SORCS1: variants seen among roughly 807,000 people sequenced by gnomAD.
SORCS1 encodes the protein VPS10 domain-containing receptor SorCS1.
In SORCS1, 60 loss-of-function variants were observed where a neutral mutation model predicts 146.1. That is an observed-to-expected ratio of 0.41 (90% CI 0.33 to 0.51). The LOEUF (loss-of-function observed/expected upper bound fraction) is 0.51. Among genes scored for constraint, SORCS1 ranks in the 20% least tolerant of loss-of-function variants. SORCS1 has a pLI of 0.21. For missense variants in SORCS1, 1,352 were observed against 1,487.6 expected (o/e 0.91, Z 1.50); for synonymous variants, 637 against 584.0 (o/e 1.09, Z -1.31).
chr10:106,938,800 C>T (rs1953882693), intron 2 of SORCS1, among the ~76,000 whole-genome samples: 1 of 152,166 alleles, frequency 6.6e-6, no homozygotes, highest in Admixed American at 6.5e-5. Flanking sequence ...TGGGGAGCTG[C>T]CAAAATGGGA....
intron 1 of SORCS1, 72 bp from the exon 2 acceptor site, chr10:106,956,652 G>T: frequency 7.8e-7 from 1 of 1,285,010 alleles, no homozygotes; most frequent in East Asian, 2.3e-5. Context: ...TGGCCCAAGG[G>T]AGGGCTTAGG....
rs922825517 is a variant in SORCS1, at chr10:106,937,206, G to C, written c.626+19307C>G. ...TTTTTTTGAGATAGAGTCTTGCTCT[G>C]TTGCCCAGGCTGGAATTCAGTGACA... is the stretch of plus-strand genomic sequence containing the variant. On this transcript the variant is annotated intron_variant, in intron 2 of 25. Coordinates refer to ENST00000263054, the MANE Select transcript of SORCS1 (RefSeq NM_052918.5). Among the ~76,000 whole-genome samples the C allele has an allele frequency of 2.1e-5, 3 of 145,620 alleles. No individual in the cohort carries two copies. In the Admixed American group the frequency reaches 2.1e-4, roughly 10 times the overall value.
intron 3 of SORCS1, among the ~76,000 whole-genome samples, chr10:106,817,870 T>C (rs780838099): frequency 5.9e-5 from 9 of 152,244 alleles, no homozygotes; most frequent in Non-Finnish European, 1.3e-4. Context: ...GACTTTGTGT[T>C]ATGCTGATCT....
chr10:106,889,119 A>G lies in SORCS1; in HGVS notation c.627-59446T>C, dbSNP rs117563654. ...CAATTTTCTACAGGTTCACAGAAAT[A>G]CGGGGAAAGGCAAGTTGTTACTTTT... On this transcript the variant is annotated intron_variant, in intron 2 of 25. Transcript: ENST00000263054. 1.5e-4 allele frequency among the ~76,000 whole-genome samples: 23 copies of G among 152,304 alleles called. No individual in the cohort carries two copies. In the East Asian group the frequency reaches 3.5e-3, roughly 23 times the overall value.
chr10:106,810,990 G>C (rs1167341733), intron 3 of SORCS1, among the ~76,000 whole-genome samples: 1 of 151,482 alleles, frequency 6.6e-6, no homozygotes, highest in Non-Finnish European at 1.5e-5. Context: ...GCCCAGGCTG[G>C]AGTGCAGCGG....
At chr10:106,844,213 G>C (rs189479781) in intron 2 of SORCS1, among the ~76,000 whole-genome samples, 1 of 152,000 alleles carries the variant, frequency 6.6e-6, no homozygotes, top group East Asian at 1.9e-4. Context: ...CGTGTTCTTT[G>C]CCCATTTTTA....
chr10:106,971,242 T>C (rs1275230997), intron 1 of SORCS1, among the ~76,000 whole-genome samples: 1 of 152,224 alleles, frequency 6.6e-6, no homozygotes, highest in African/African-American at 2.4e-5. Flanking sequence ...GCCTGGCTCC[T>C]GTGCTCATGT....
At chr10:106,964,847 G>A (rs1201908089) in intron 1 of SORCS1, among the ~76,000 whole-genome samples, 1 of 151,244 alleles carries the variant, frequency 6.6e-6, no homozygotes, top group East Asian at 1.9e-4. Context: ...CTCCTGGCCT[G>A]AAATGATCCT....
chr10:106,796,400 T>C (rs1946554206), intron 3 of SORCS1, among the ~76,000 whole-genome samples: 1 of 152,204 alleles, frequency 6.6e-6, no homozygotes, highest in East Asian at 1.9e-4. Context: ...CTTCTTGACA[T>C]ACAATGTTTC....
At chr10:106,610,237 G>A (rs998854306) in intron 22 of SORCS1, among the ~76,000 whole-genome samples, 1 of 151,936 alleles carries the variant, frequency 6.6e-6, no homozygotes, top group Non-Finnish European at 1.5e-5. Context: ...TAAGGAAGAG[G>A]ATGGCCCTAG....
chr10:106,629,942 G>C (rs539293153), intron 18 of SORCS1, among the ~76,000 whole-genome samples: 1 of 152,198 alleles, frequency 6.6e-6, no homozygotes, highest in East Asian at 1.9e-4. Context: ...TACTCGGGGG[G>C]GCTGAGGCGG....
At chr10:106,648,015 A>G (rs771682882) in intron 18 of SORCS1, among the ~76,000 whole-genome samples, 3 of 151,346 alleles carry the variant, frequency 2.0e-5, no homozygotes, top group Non-Finnish European at 2.9e-5. Flanking sequence ...CCACAGACAC[A>G]CGACACCACG....
chr10:106,705,414 G>A (rs1854446605), intron 8 of SORCS1, among the ~76,000 whole-genome samples: 1 of 152,134 alleles, frequency 6.6e-6, no homozygotes, highest in Non-Finnish European at 1.5e-5. Flanking sequence ...CGGGAGAGGA[G>A]GCGTGCTGTG....
At chr10:106,619,459 G>A (rs895562607) in intron 20 of SORCS1, among the ~76,000 whole-genome samples, 27 of 152,304 alleles carry the variant, frequency 1.8e-4, no homozygotes, top group African/African-American at 5.5e-4. Context: ...AAGAGACATC[G>A]TATTTGAAGA....
chr10:107,120,875 T>C (rs937666332), intron 1 of SORCS1, among the ~76,000 whole-genome samples: 1 of 152,132 alleles, frequency 6.6e-6, no homozygotes, highest in African/African-American at 2.4e-5. Flanking sequence ...CTAGGTTCTA[T>C]GTTTCAGGTC....
At chr10:106,589,537 A>C (rs1384271266) in intron 24 of SORCS1, among the ~76,000 whole-genome samples, 1 of 152,156 alleles carries the variant, frequency 6.6e-6, no homozygotes, top group Non-Finnish European at 1.5e-5. Context: ...ATCTGCTATG[A>C]GATGGTAAAT....
chr10:106,964,729 G>T (rs1955420076), intron 1 of SORCS1, among the ~76,000 whole-genome samples: 1 of 151,908 alleles, frequency 6.6e-6, no homozygotes, highest in African/African-American at 2.4e-5. Context: ...CTCCTTATCT[G>T]CCTGCCTTGC....
intron 3 of SORCS1, among the ~76,000 whole-genome samples, chr10:106,817,999 T>C (rs1947826348): frequency 6.6e-6 from 1 of 152,236 alleles, no homozygotes; most frequent in Non-Finnish European, 1.5e-5. Context: ...CCTTATATTA[T>C]TTAATTGCAT....
chr10:107,043,565 T>G (rs1303803159), intron 1 of SORCS1, among the ~76,000 whole-genome samples: 5 of 152,186 alleles, frequency 3.3e-5, no homozygotes, highest in Non-Finnish European at 7.4e-5. Context: ...GTCTTGGTAC[T>G]CATTCTGGTG....
Sources: gnomAD v4.1 joint callset for allele counts (sites outside exome capture counted in the v4.1 genomes callset) on GRCh38, gnomAD v4.1.1 for gene constraint, MANE v1.5 for transcripts, NCBI Gene and HGNC (gene_info 2026-07-23, HGNC 2026-07-21) for gene names.